RAB12: variants seen among roughly 807,000 people sequenced by gnomAD.
RAB12 encodes the protein ras-related protein Rab-12.
In RAB12, 11 loss-of-function variants were observed where a neutral mutation model predicts 28.4. The observed-to-expected ratio is 0.39, with a 90% CI of 0.24 to 0.64. The LOEUF is 0.64. Ranked by LOEUF, RAB12 falls within the 30% of genes least tolerant of loss-of-function variation. RAB12 has a pLI of 0.50. For synonymous variants in RAB12, 138 were observed against 145.3 expected (o/e 0.95, Z 0.36); for missense variants, 276 against 351.1 (o/e 0.79, Z 1.71).
intron 1 of RAB12, among the ~76,000 whole-genome samples, chr18:8,610,328 C>T (rs1052577427): frequency 1.3e-5 from 2 of 152,246 alleles, no homozygotes; most frequent in South Asian, 4.1e-4. Flanking sequence ...TCGCCCGGCC[C>T]GCCAAGGCCA....
chr18:8,635,009 T>G (rs1395069210), intron 3 of RAB12, among the ~76,000 whole-genome samples: 1 of 152,202 alleles, frequency 6.6e-6, no homozygotes, highest in Non-Finnish European at 1.5e-5. Context: ...AGCACAAAAG[T>G]AAAGAAGAAA....
rs1239997661 is a variant in RAB12 at position 8,639,248 on chromosome 18, CTGTTT to C, written c.*992_*996del. On this transcript the variant is annotated 3_prime_UTR_variant, in exon 6 of 6. Transcript: ENST00000649141. Reference sequence around the variant, plus strand: ...TTGGTATATCTTTTATTAAACTGCACTGTTTTGTTTAGTCAAGGTAATTAAGTAAT... The same window carrying C: ...TTGGTATATCTTTTATTAAACTGCACTGTTTAGTCAAGGTAATTAAGTAAT... The C allele has an allele frequency of 3.2e-5, 4 of 125,116 alleles. No individual in the cohort carries two copies. Among genetic ancestry groups the C allele is most frequent in the Non-Finnish European group, 4.9e-5 (3 of 61,594 alleles). 7.8% of individuals were successfully genotyped at this position (125,116 alleles called of 1,614,324 possible).
intron 2 of RAB12, among the ~76,000 whole-genome samples, chr18:8,629,594 G>A (rs988328128): frequency 3.9e-5 from 6 of 152,134 alleles, no homozygotes; most frequent in African/African-American, 1.4e-4. Context: ...GGGCAGCAGG[G>A]GATCCTCATA....
chr18:8,634,174 T>C (rs1209728909), intron 3 of RAB12, among the ~76,000 whole-genome samples: 1 of 99,196 alleles, frequency 1.0e-5, no homozygotes, highest in African/African-American at 3.0e-5. Flanking sequence ...GCATGGTGAC[T>C]CACACCTGTA....
chr18:8,636,212 G>A (rs2096018827), intron 4 of RAB12, 41 bp from the exon 5 acceptor site: 1 of 1,383,392 alleles, frequency 7.2e-7, no homozygotes, highest in African/African-American at 1.4e-5. Flanking sequence ...GCTGGTCTGT[G>A]AGGCCCCACA....
intron 2 of RAB12, 73 bp from the exon 3 acceptor site, chr18:8,633,114 CTA>C (rs1163714699): frequency 3.2e-6 from 5 of 1,568,062 alleles, no homozygotes; most frequent in East Asian, 2.2e-5. Context: ...AGCATATAAT[CTA>C]TGTTTGCATT....
rs756246583 is a variant in RAB12 at position 8,635,633 on chromosome 18, G to A, written c.804+11G>A. On this transcript the variant is annotated intron_variant, in intron 4 of 5. Transcript: ENST00000649141. ...CAGCAGGGGGAAAAGGTGAGAGGGC[G>A]TGGGAGGCACGGTTGCCACACACTG... is the stretch of plus-strand genomic sequence containing the variant. The A allele has an allele frequency of 1.7e-5, 27 of 1,592,906 alleles. No individual in the cohort carries two copies. The South Asian group carries it at 2.3e-4, about 13-fold the overall frequency.
chr18:8,612,105 T>G (rs1254830339), intron 1 of RAB12, among the ~76,000 whole-genome samples: 1 of 152,190 alleles, frequency 6.6e-6, no homozygotes. Context: ...CAGTGGGGAT[T>G]CAGTGGTAAA....
At position 8,628,791 on chromosome 18, in the gene RAB12, G is replaced by C. The variant is rs1306311309; in HGVS notation, c.575+3793G>C. On this transcript the variant is annotated intron_variant, in intron 2 of 5. Transcript: ENST00000649141. Reference sequence around the variant, plus strand: ...CTTTTACTATCCCTGTTCTTTGATTGTTTTTATTAAAACTCCTATTATCTG... The same window carrying C: ...CTTTTACTATCCCTGTTCTTTGATTCTTTTTATTAAAACTCCTATTATCTG... Among the ~76,000 whole-genome samples, 4 of 152,086 alleles carry C rather than the reference G, an allele frequency of 2.6e-5. No homozygotes were observed. In the South Asian group the frequency reaches 8.3e-4, roughly 32 times the overall value.
At chr18:8,622,209 G>T (rs551163592) in intron 1 of RAB12, among the ~76,000 whole-genome samples, 1 of 152,258 alleles carries the variant, frequency 6.6e-6, no homozygotes, top group African/African-American at 2.4e-5. Context: ...CAATAAAGTC[G>T]CAGCCACTGC....
At position 8,617,365 on chromosome 18, in the gene RAB12, G is replaced by A. The variant is rs141097866; in HGVS notation, c.514+7412G>A. Among the ~76,000 whole-genome samples, 3 of 151,910 alleles carry A rather than the reference G, an allele frequency of 2.0e-5. No individual in the cohort carries two copies. The East Asian group carries it at 5.8e-4, about 29-fold the overall frequency. The stretch of plus-strand genomic sequence containing the variant: ...AAACATAATCTGTTTGACAGTCCCT[G>A]TGTTTTCATGGATCCATTCTGAGTA... On this transcript the variant is annotated intron_variant, in intron 1 of 5. Transcript: ENST00000649141.
At chr18:8,620,312 T>C (rs564438467) in intron 1 of RAB12, among the ~76,000 whole-genome samples, 1 of 152,136 alleles carries the variant, frequency 6.6e-6, no homozygotes, top group Admixed American at 6.5e-5. Context: ...AAAAGCAAGC[T>C]CCTCTCACCA....
chr18:8,616,379 TAAAAAAAAAA>T (rs373829340), intron 1 of RAB12, among the ~76,000 whole-genome samples: 13 of 121,466 alleles, frequency 1.1e-4, no homozygotes, highest in Non-Finnish European at 2.1e-4. Flanking sequence ...GTGTGATTGT[TAAAAAAAAAA>T]AAAAAAAAAA....
chr18:8,630,950 G>A (rs943051603), intron 2 of RAB12, among the ~76,000 whole-genome samples: 10 of 152,330 alleles, frequency 6.6e-5, no homozygotes, highest in East Asian at 1.9e-4. Context: ...GTGCAGTGGC[G>A]CGATTGCAGT....
chr18:8,616,780 T>C (rs2096006936), intron 1 of RAB12, among the ~76,000 whole-genome samples: 1 of 149,794 alleles, frequency 6.7e-6, no homozygotes, highest in Non-Finnish European at 1.5e-5. Context: ...AAATGAAAAA[T>C]TAGCCTGGTG....
chr18:8,626,704 A>C (rs2096012874), intron 2 of RAB12, among the ~76,000 whole-genome samples: 1 of 152,250 alleles, frequency 6.6e-6, no homozygotes, highest in Non-Finnish European at 1.5e-5. Flanking sequence ...CACGAAGAGC[A>C]GCGGGCACTC....
chr18:8,632,271 G>A (rs2096016396), intron 2 of RAB12, among the ~76,000 whole-genome samples: 1 of 138,430 alleles, frequency 7.2e-6, no homozygotes, highest in Non-Finnish European at 1.5e-5. Flanking sequence ...GACAGAGCTA[G>A]ACTCTGTCTC....
At chr18:8,615,391 A>G (rs750355424) in intron 1 of RAB12, among the ~76,000 whole-genome samples, 23 of 152,142 alleles carry the variant, frequency 1.5e-4, no homozygotes, top group Non-Finnish European at 2.6e-4. Context: ...TTAACTGTGT[A>G]TTTTATTTTG....
At chr18:8,610,510 A>T (rs1488532265) in intron 1 of RAB12, among the ~76,000 whole-genome samples, 1 of 152,234 alleles carries the variant, frequency 6.6e-6, no homozygotes, top group Non-Finnish European at 1.5e-5. Flanking sequence ...CTTCAGCTGT[A>T]TTTATCCATG....
Sources: allele counts gnomAD v4.1 joint callset (sites outside exome capture counted in the v4.1 genomes callset), GRCh38; gene constraint gnomAD v4.1.1; transcripts MANE v1.5; gene names NCBI Gene and HGNC (gene_info 2026-07-23, HGNC 2026-07-21).